SYNRG: variants seen among roughly 807,000 people sequenced by gnomAD.
SYNRG encodes synergin gamma, also known as AP1 gamma subunit binding protein 1.
Under a neutral mutation model 130.9 loss-of-function variants are expected in SYNRG, and 37 were observed. The ratio of observed to expected loss-of-function variants is 0.28; its 90% CI spans 0.22 to 0.37. The LOEUF is 0.37. Ranked by LOEUF, SYNRG falls within the 10% of genes least tolerant of loss-of-function variation. The pLI is 1.00. For synonymous variants in SYNRG, 539 were observed against 568.1 expected, an observed-to-expected ratio of 0.95 and a Z score of 0.73; for missense variants, 1,338 against 1,588.9, an observed-to-expected ratio of 0.84 and a Z score of 2.68.
At chr17:37,522,802 G>A (rs969184134) in intron 19 of SYNRG, among the ~76,000 whole-genome samples, 2 of 152,046 alleles carry the variant, frequency 1.3e-5, no homozygotes, top group Non-Finnish European at 2.9e-5. Context: ...CACCACACCT[G>A]GCTAATTTTT....
chr17:37,538,456 G>C, intron 17 of SYNRG, 36 bp from the exon 18 acceptor site: 1 of 1,455,574 alleles, frequency 6.9e-7, no homozygotes. Flanking sequence ...TTACATAACT[G>C]AGAAAAGTCA....
At chr17:37,550,668 A>C (rs982455588) in intron 14 of SYNRG, among the ~76,000 whole-genome samples, 5 of 151,096 alleles carry the variant, frequency 3.3e-5, no homozygotes, top group African/African-American at 1.2e-4. Context: ...AAAATGTCTA[A>C]ATTGAAAAAA....
At chr17:37,570,526 T>C in intron 10 of SYNRG, 111 bp downstream of exon 10, 1 of 1,377,164 alleles carries the variant, frequency 7.3e-7, no homozygotes, top group Non-Finnish European at 9.6e-7. Flanking sequence ...AACCTAAGAA[T>C]TTAAATGTGC....
chr17:37,538,784 A>G (rs966979372), intron 17 of SYNRG, among the ~76,000 whole-genome samples: 5 of 152,128 alleles, frequency 3.3e-5, no homozygotes, highest in Non-Finnish European at 7.4e-5. Flanking sequence ...TAGTAGAGAC[A>G]GGGTTTCACC....
chr17:37,605,368 C>T (rs2147160512), intron 1 of SYNRG, among the ~76,000 whole-genome samples: 1 of 152,290 alleles, frequency 6.6e-6, no homozygotes, highest in Non-Finnish European at 1.5e-5. Context: ...TTTCTTTCTT[C>T]CAGCTTTGCC....
intron 3 of SYNRG, among the ~76,000 whole-genome samples, chr17:37,589,174 A>G (rs2061939262): frequency 6.6e-6 from 1 of 152,214 alleles, no homozygotes. Flanking sequence ...AAAAGTGTCC[A>G]CTTCAGTCAG....
intron 19 of SYNRG, among the ~76,000 whole-genome samples, chr17:37,521,550 A>G (rs534199570): frequency 1.3e-5 from 2 of 152,276 alleles, no homozygotes; most frequent in South Asian, 2.1e-4. Context: ...GAGGACTCCA[A>G]GGAAGATAAG....
intron 3 of SYNRG, among the ~76,000 whole-genome samples, chr17:37,591,964 A>G (rs1459465410): frequency 6.6e-6 from 1 of 152,218 alleles, no homozygotes; most frequent in African/African-American, 2.4e-5. Flanking sequence ...AATTTCATCG[A>G]AATTGAACTT....
intron 11 of SYNRG, among the ~76,000 whole-genome samples, chr17:37,566,336 C>T (rs1477456301): frequency 1.4e-5 from 2 of 146,776 alleles, no homozygotes; most frequent in South Asian, 4.5e-4. Flanking sequence ...TGACCTTACC[C>T]CCAACCCTGT....
At chr17:37,559,987 T>C (rs2059405702) in intron 13 of SYNRG, among the ~76,000 whole-genome samples, 2 of 152,152 alleles carry the variant, frequency 1.3e-5, no homozygotes, top group Admixed American at 6.5e-5. Flanking sequence ...AGCCTCGACC[T>C]CCCAGGCTCA....
At chr17:37,596,387 T>C in intron 2 of SYNRG, 43 bp from the exon 3 acceptor site, 1 of 1,605,478 alleles carries the variant, frequency 6.2e-7, no homozygotes, top group African/African-American at 1.3e-5. Flanking sequence ...TGTTTTAAAG[T>C]TTATTTTCTT....
At chr17:37,571,666 C>T (rs772197512) in intron 9 of SYNRG, 125 bp downstream of exon 9, 2 of 837,102 alleles carry the variant, frequency 2.4e-6, no homozygotes, top group Non-Finnish European at 3.6e-6. Context: ...TTTTGAAGTA[C>T]TATATCCTGA....
rs945725015 is a variant in SYNRG, at chr17:37,558,542, C to T, written c.1663+2653G>A. On this transcript the variant is annotated intron_variant, in intron 13 of 21. Coordinates refer to ENST00000612223, the MANE Select transcript of SYNRG (RefSeq NM_007247.6). Reference sequence around the variant, plus strand: ...TAACTTTCAGTTTTTACATATATGACTCCCAAATGATCATTTTATATTCCC... The same window carrying T: ...TAACTTTCAGTTTTTACATATATGATTCCCAAATGATCATTTTATATTCCC... Among the ~76,000 whole-genome samples the T allele has an allele frequency of 9.8e-5, 15 of 152,304 alleles. No individual in the cohort carries two copies. The Middle Eastern group carries it at 0.01, about 104-fold the overall frequency.
chr17:37,587,511 CT>C (rs1423767221), intron 3 of SYNRG, among the ~76,000 whole-genome samples: 3 of 152,150 alleles, frequency 2.0e-5, no homozygotes, highest in African/African-American at 7.2e-5. Context: ...AATATTCCTC[CT>C]TGCTTCTTCT....
chr17:37,539,270 G>C, intron 16 of SYNRG, 25 bp from the exon 17 acceptor site: 1 of 1,611,554 alleles, frequency 6.2e-7, no homozygotes, highest in Non-Finnish European at 8.5e-7. Context: ...AAAAGAACTG[G>C]GTTAAACACA....
chr17:37,534,209 G>T (rs1267214359), intron 19 of SYNRG, among the ~76,000 whole-genome samples: 1 of 151,386 alleles, frequency 6.6e-6, no homozygotes, highest in Non-Finnish European at 1.5e-5. Flanking sequence ...CTCCCAAAGT[G>T]CTGGGATTCA....
At chr17:37,584,207 G>A (rs2061532874) in intron 6 of SYNRG, 1 of 153,330 alleles carries the variant, frequency 6.5e-6, no homozygotes, top group Admixed American at 6.5e-5. Context: ...TTCAAGAAGA[G>A]CATTATTATA....
At position 37,553,752 on chromosome 17, in the gene SYNRG, T is replaced by C. The variant is rs1452682995; in HGVS notation, c.1971A>G (p.Ala657=). 2 of 1,613,014 alleles carry C rather than the reference T, an allele frequency of 1.2e-6. No individual in the cohort carries two copies. The highest frequency in any genetic ancestry group is 4.5e-5 in the East Asian group (2 of 44,892). The change falls in exon 14 of 22, where the codon GCA becomes GCG. Residue 657 remains alanine, a synonymous_variant. Transcript: ENST00000612223. The stretch of plus-strand genomic sequence containing the variant: ...AACTAGAAGTTTTTGTTGCTGCCAA[T>C]GCTGTCATAGTAGCAGCAGAACCTG... ...QSTGSAATMT[A]LAATKTSSLA... is the part of the protein sequence containing the mutation.
Position 37,575,337 on chromosome 17 carries a change from T to A in SYNRG, c.901+1004A>T, listed in dbSNP as rs147292216. Among the ~76,000 whole-genome samples, 394 of 152,274 alleles carry A rather than the reference T, an allele frequency of 2.6e-3. 1 individual carries two copies. Among genetic ancestry groups the A allele is most frequent in the African/African-American group, 9.1e-3 (377 of 41,544 alleles). On this transcript the variant is annotated intron_variant, in intron 8 of 21. Coordinates refer to ENST00000612223, the MANE Select transcript of SYNRG (RefSeq NM_007247.6). ...GTTCATAACACAAAGAAGTAATACA[T>A]GCTTGAGGTAATGGATACCTTATCT... is the stretch of plus-strand genomic sequence containing the variant.
Sources: allele counts gnomAD v4.1 joint callset (sites outside exome capture counted in the v4.1 genomes callset), GRCh38; gene constraint gnomAD v4.1.1; transcripts MANE v1.5; gene names NCBI Gene and HGNC (gene_info 2026-07-23, HGNC 2026-07-21).